PTPRD: variants seen among roughly 807,000 people sequenced by gnomAD.
PTPRD encodes protein tyrosine phosphatase receptor type D.
A neutral mutation model predicts 214.5 loss-of-function variants in PTPRD; 34 were observed. The ratio of observed to expected loss-of-function variants is 0.16; its 90% CI spans 0.12 to 0.21. The LOEUF (loss-of-function observed/expected upper bound fraction) is 0.21. Ranked by LOEUF, PTPRD falls within the 10% of genes least tolerant of loss-of-function variation. The pLI, the probability that PTPRD is intolerant of heterozygous loss-of-function variation, is 1.00. For synonymous variants in PTPRD, 1,128 were observed against 845.7 expected (o/e 1.33, Z -5.79); for missense variants, 2,545 against 2,398.7 (o/e 1.06, Z -1.27).
intron 8 of PTPRD, among the ~76,000 whole-genome samples, chr9:9,440,229 A>G (rs1358513745): frequency 6.6e-6 from 1 of 152,234 alleles, no homozygotes; most frequent in African/African-American, 2.4e-5. Context: ...TTTAACTTGT[A>G]AATATTCAGC....
intron 9 of PTPRD, among the ~76,000 whole-genome samples, chr9:9,352,327 A>ATGTGTG (rs1055505531): frequency 2.2e-4 from 15 of 68,442 alleles, no homozygotes; most frequent in East Asian, 2.1e-3. Flanking sequence ...ATATATATAT[A>ATGTGTG]TGTGTGTGTG....
rs372936762 is a variant in PTPRD at position 10,332,265 on chromosome 9, G to C, written c.-545+8698C>G. On this transcript the variant is annotated intron_variant, in intron 3 of 45. Transcript: ENST00000381196. Reference sequence around the variant, plus strand: ...ATAAATACCATGAGAGATGTCAGGAGTCTTAAAATGTTTCACCAGCTGAGA... The same window carrying C: ...ATAAATACCATGAGAGATGTCAGGACTCTTAAAATGTTTCACCAGCTGAGA... Among the ~76,000 whole-genome samples the C allele has an allele frequency of 2.6e-4, 39 of 151,936 alleles. 2 individuals are homozygous for C. The highest frequency in any genetic ancestry group is 1.6e-3 in the East Asian group (8 of 5,124).
intron 3 of PTPRD, among the ~76,000 whole-genome samples, chr9:10,129,942 T>A (rs538322929): frequency 1.2e-4 from 18 of 152,208 alleles, no homozygotes; most frequent in South Asian, 6.2e-4. Flanking sequence ...TGTTTTTTTT[T>A]AAATATTCTT....
At chr9:10,146,007 GGATTT>G (rs1316970109) in intron 3 of PTPRD, among the ~76,000 whole-genome samples, 1 of 151,454 alleles carries the variant, frequency 6.6e-6, no homozygotes, top group Non-Finnish European at 1.5e-5. Flanking sequence ...ATATTCTATT[GGATTT>G]ATTTTAACAT....
intron 8 of PTPRD, among the ~76,000 whole-genome samples, chr9:9,409,430 A>G (rs1336810948): frequency 6.6e-6 from 1 of 152,058 alleles, no homozygotes; most frequent in Non-Finnish European, 1.5e-5. Flanking sequence ...GTAACCTGAC[A>G]TGGAAATCAT....
chr9:9,570,111 T>A (rs897899302), intron 8 of PTPRD, among the ~76,000 whole-genome samples: 7 of 151,450 alleles, frequency 4.6e-5, no homozygotes, highest in African/African-American at 1.7e-4. Context: ...AAGCAAAAAT[T>A]TCCAGAAAGT....
At position 9,852,544 on chromosome 9, in the gene PTPRD, T is replaced by C. The variant is rs868771957; in HGVS notation, c.-367-85693A>G. Among the ~76,000 whole-genome samples the C allele has an allele frequency of 4.6e-5, 7 of 152,238 alleles. No homozygotes were observed. In the Middle Eastern group the frequency reaches 0.017, roughly 370 times the overall value. On this transcript the variant is annotated intron_variant, in intron 5 of 45. Transcript: ENST00000381196. ...ACCTGCTATAGTGTCTAGAGTTATA[T>C]AGAAATATGCTCAGGTTAATTATAT...
chr9:8,728,676 T>G (rs879928833), intron 12 of PTPRD, among the ~76,000 whole-genome samples: 2 of 152,226 alleles, frequency 1.3e-5, no homozygotes, highest in Non-Finnish European at 2.9e-5. Context: ...ATCATTTTCC[T>G]ATTCCTTTAA....
At chr9:9,152,122 A>C (rs913255747) in intron 10 of PTPRD, among the ~76,000 whole-genome samples, 5 of 152,306 alleles carry the variant, frequency 3.3e-5, no homozygotes, top group Admixed American at 2.0e-4. Context: ...GGTACGAATG[A>C]AGAGCTGGTC....
intron 4 of PTPRD, among the ~76,000 whole-genome samples, chr9:10,016,536 C>G (rs1250478650): frequency 1.3e-5 from 2 of 151,998 alleles, no homozygotes; most frequent in African/African-American, 4.8e-5. Context: ...AAGCATGTCT[C>G]TATAGGGTAC....
At chr9:9,824,739 G>A (rs2052093175) in intron 5 of PTPRD, among the ~76,000 whole-genome samples, 1 of 151,956 alleles carries the variant, frequency 6.6e-6, no homozygotes, top group South Asian at 2.1e-4. Context: ...CTCAATATGT[G>A]ATTTAAATTT....
intron 5 of PTPRD, among the ~76,000 whole-genome samples, chr9:9,793,969 G>T (rs1301632770): frequency 6.6e-6 from 1 of 151,916 alleles, no homozygotes; most frequent in South Asian, 2.1e-4. Context: ...TAATCAAAAG[G>T]AGTAAGAAAT....
intron 2 of PTPRD, among the ~76,000 whole-genome samples, chr9:10,458,300 A>G (rs1255171163): frequency 6.6e-6 from 1 of 152,098 alleles, no homozygotes. Flanking sequence ...TACTCGACAA[A>G]ATATTAGCAA....
intron 5 of PTPRD, among the ~76,000 whole-genome samples, chr9:9,774,957 A>G (rs971899842): frequency 2.0e-5 from 3 of 152,214 alleles, no homozygotes; most frequent in African/African-American, 7.2e-5. Flanking sequence ...ATGTGGAGTA[A>G]TGGCAGCTCT....
intron 7 of PTPRD, among the ~76,000 whole-genome samples, chr9:9,724,052 C>T (rs2098026661): frequency 6.6e-6 from 1 of 152,004 alleles, no homozygotes; most frequent in Non-Finnish European, 1.5e-5. Context: ...GTGGCCACCA[C>T]TTATCACTCC....
chr9:10,451,346 C>G (rs947516834), intron 2 of PTPRD, among the ~76,000 whole-genome samples: 2 of 151,826 alleles, frequency 1.3e-5, no homozygotes, highest in African/African-American at 4.9e-5. Context: ...TGACTGGAGT[C>G]TGTGATTACA....
chr9:9,162,600 C>T (rs73399636), intron 10 of PTPRD, among the ~76,000 whole-genome samples: 1 of 151,956 alleles, frequency 6.6e-6, no homozygotes, highest in Non-Finnish European at 1.5e-5. Flanking sequence ...CCACCCTCCA[C>T]CTGCTTGCAT....
intron 3 of PTPRD, among the ~76,000 whole-genome samples, chr9:10,237,130 C>T (rs1021173146): frequency 1.3e-5 from 2 of 151,746 alleles, no homozygotes; most frequent in South Asian, 2.1e-4. Context: ...GACAAATATG[C>T]CGCTCTGGTG....
In PTPRD at chr9:9,479,215, GCCC is replaced by G. The variant is rs769053229; in HGVS notation, c.-236-81736_-236-81734del. Among the ~76,000 whole-genome samples, 49 of 20,560 alleles carry G rather than the reference GCCC, an allele frequency of 2.4e-3. 1 individual carries two copies. The highest frequency in any genetic ancestry group is 4.3e-3 in the African/African-American group (24 of 5,532). The allele number at this position is 20,560 out of a possible 152,430, so 13.5% of individuals were successfully genotyped here. A position where few individuals can be genotyped will look rare whatever the true frequency, so the allele number is the denominator to read the frequency against. On this transcript the variant is annotated intron_variant, in intron 8 of 45. Coordinates refer to ENST00000381196, the MANE Select transcript of PTPRD (RefSeq NM_002839.4). ...CACACATACATACATACACACACACGCCCCCCCCCCCCCCACACACACACCCAC... is the reference window on the plus strand; with the variant it reads ...CACACATACATACATACACACACACGCCCCCCCCCCCACACACACACCCAC...
Sources: allele counts gnomAD v4.1 joint callset (sites outside exome capture counted in the v4.1 genomes callset), GRCh38; gene constraint gnomAD v4.1.1; transcripts MANE v1.5; gene names NCBI Gene and HGNC (gene_info 2026-07-23, HGNC 2026-07-21).